The following NELL1 variants were observed in gnomAD, a reference collection of about 807,000 sequenced individuals.
NELL1 encodes neural EGFL like 1.
A neutral mutation model predicts 107.4 loss-of-function variants in NELL1; 76 were observed. The observed-to-expected ratio is 0.71, with a 90% CI of 0.59 to 0.86. The LOEUF is 0.86. NELL1 is among the 40% of genes least tolerant of loss of function. NELL1 has a pLI of 0.00. For synonymous variants in NELL1, 353 were observed against 341.2 expected, an observed-to-expected ratio of 1.03 and a Z score of -0.38; for missense variants, 1,024 against 1,005.5, an observed-to-expected ratio of 1.02 and a Z score of -0.25.
At chr11:21,499,767 A>G (rs184477472) in intron 15 of NELL1, among the ~76,000 whole-genome samples, 3 of 152,244 alleles carry the variant, frequency 2.0e-5, no homozygotes, top group Admixed American at 2.0e-4. Context: ...GGTCATTTTC[A>G]CAGGTTTAGT....
At chr11:21,566,298 ATG>A (rs1856971624) in intron 17 of NELL1, among the ~76,000 whole-genome samples, 1 of 151,894 alleles carries the variant, frequency 6.6e-6, no homozygotes, top group Non-Finnish European at 1.5e-5. Flanking sequence ...CAGAAAAAAA[ATG>A]AGTGATATTA....
intron 14 of NELL1, among the ~76,000 whole-genome samples, chr11:21,240,014 C>A (rs1282564568): frequency 2.0e-5 from 3 of 152,030 alleles, no homozygotes; most frequent in African/African-American, 7.2e-5. Flanking sequence ...AAACATGAAC[C>A]AATCTTCATC....
chr11:20,976,539 G>A (rs1365325678), intron 12 of NELL1, among the ~76,000 whole-genome samples: 1 of 152,064 alleles, frequency 6.6e-6, no homozygotes, highest in Non-Finnish European at 1.5e-5. Flanking sequence ...AGAAGAGAGG[G>A]AAAATGTTTC....
At chr11:20,935,066 T>C (rs1850695155) in intron 9 of NELL1, among the ~76,000 whole-genome samples, 2 of 152,316 alleles carry the variant, frequency 1.3e-5, no homozygotes, top group East Asian at 3.9e-4. Flanking sequence ...GGCTCATTAA[T>C]TGGAAAATTA....
intron 12 of NELL1, among the ~76,000 whole-genome samples, chr11:21,081,705 TG>T (rs1212500692): frequency 1.3e-5 from 2 of 152,192 alleles, no homozygotes; most frequent in African/African-American, 4.8e-5. Flanking sequence ...CAAACTGCTA[TG>T]ATCTCTTTTG....
chr11:21,180,169 A>G (rs2133822902), intron 13 of NELL1, among the ~76,000 whole-genome samples: 1 of 151,776 alleles, frequency 6.6e-6, no homozygotes, highest in Non-Finnish European at 1.5e-5. Flanking sequence ...AGGCAATGTC[A>G]TTTTGCTGTT....
chr11:20,936,286 C>T (rs1409812452), intron 9 of NELL1, among the ~76,000 whole-genome samples: 1 of 152,094 alleles, frequency 6.6e-6, no homozygotes, highest in African/African-American at 2.4e-5. Flanking sequence ...TCTCTACAGC[C>T]CTATACAAGT....
intron 15 of NELL1, among the ~76,000 whole-genome samples, chr11:21,449,787 C>T (rs1853532976): frequency 6.6e-6 from 1 of 152,148 alleles, no homozygotes; most frequent in African/African-American, 2.4e-5. Flanking sequence ...ACCACTTGTT[C>T]TACCAAGATT....
chr11:21,268,833 C>T (rs1348000555), intron 14 of NELL1, among the ~76,000 whole-genome samples: 1 of 151,972 alleles, frequency 6.6e-6, no homozygotes, highest in Non-Finnish European at 1.5e-5. Context: ...TCAGATGTGG[C>T]AGGAATATTG....
At chr11:21,204,593 C>A (rs544942379) in intron 13 of NELL1, among the ~76,000 whole-genome samples, 1 of 152,010 alleles carries the variant, frequency 6.6e-6, no homozygotes, top group South Asian at 2.1e-4. Context: ...TATTATCCAC[C>A]TTCTGAAGCC....
At chr11:21,238,318 C>G (rs1014121180) in intron 14 of NELL1, among the ~76,000 whole-genome samples, 2 of 151,876 alleles carry the variant, frequency 1.3e-5, no homozygotes, top group Non-Finnish European at 2.9e-5. Context: ...ATCATCTCTC[C>G]ATGGAATATT....
In NELL1 at chr11:20,918,220, T is replaced by C; in HGVS notation, c.642T>C (p.Asn214=). ...IQDGKIIFMP[N]GYITQCPNLN... is the part of the protein sequence containing the mutation. ...ATGGGAAGATCATCTTTATGCCGAA[T>C]GGATATATAACACAGTGTCCAAATC... The change falls in exon 6 of 20, where the codon AAT becomes AAC. Residue 214 remains asparagine (N), a synonymous_variant. Coordinates refer to ENST00000357134, the MANE Select transcript of NELL1 (RefSeq NM_006157.5). 1 of 1,599,444 alleles carries C rather than the reference T, an allele frequency of 6.3e-7. No individual in the cohort carries two copies. The highest frequency in any genetic ancestry group is 1.7e-4 in the Middle Eastern group (1 of 6,024).
chr11:21,574,071 GAGT>G (rs1857166895), intron 19 of NELL1, among the ~76,000 whole-genome samples: 1 of 151,786 alleles, frequency 6.6e-6, no homozygotes, highest in Non-Finnish European at 1.5e-5. Flanking sequence ...TGAAGAGCTG[GAGT>G]GGTAGCTGAT....
intron 14 of NELL1, among the ~76,000 whole-genome samples, chr11:21,299,927 A>G (rs1158852820): frequency 6.6e-6 from 1 of 152,046 alleles, no homozygotes; most frequent in African/African-American, 2.4e-5. Context: ...CCTGCAGGCC[A>G]TAATTGGTGA....
chr11:21,110,917 G>A (rs749087455), intron 12 of NELL1, among the ~76,000 whole-genome samples: 7 of 152,128 alleles, frequency 4.6e-5, no homozygotes, highest in Admixed American at 6.5e-5. Flanking sequence ...AAGGCCTGCC[G>A]GAATCTAAAA....
At chr11:21,267,909 G>A (rs1848666489) in intron 14 of NELL1, among the ~76,000 whole-genome samples, 1 of 152,122 alleles carries the variant, frequency 6.6e-6, no homozygotes, top group Admixed American at 6.6e-5. Flanking sequence ...TGCATGAAAT[G>A]ATTTTCTCCA....
At chr11:21,019,083 G>A (rs993265205) in intron 12 of NELL1, among the ~76,000 whole-genome samples, 2 of 152,066 alleles carry the variant, frequency 1.3e-5, no homozygotes, top group Non-Finnish European at 2.9e-5. Flanking sequence ...AAGGGTCTGG[G>A]CTTGAGCTCT....
chr11:20,848,414 A>G (rs1285479362), intron 4 of NELL1, among the ~76,000 whole-genome samples: 1 of 152,148 alleles, frequency 6.6e-6, no homozygotes, highest in Non-Finnish European at 1.5e-5. Flanking sequence ...ATGAAAATTG[A>G]AGAATGAGGG....
chr11:21,189,080 T>C (rs143901362), intron 13 of NELL1, among the ~76,000 whole-genome samples: 62 of 152,050 alleles, frequency 4.1e-4, no homozygotes, highest in African/African-American at 1.4e-3. Context: ...ATAATGTATA[T>C]ATTCAACTGC....
Sources: allele counts gnomAD v4.1 joint callset (sites outside exome capture counted in the v4.1 genomes callset), GRCh38; gene constraint gnomAD v4.1.1; transcripts MANE v1.5; gene names NCBI Gene and HGNC (gene_info 2026-07-23, HGNC 2026-07-21).